The following IPO7 variants were observed in gnomAD, a reference collection of about 807,000 sequenced individuals.
IPO7 encodes the protein importin 7.
IPO7 carries 13 observed loss-of-function variants against 136.4 expected under a neutral mutation model. The ratio of observed to expected loss-of-function variants is 0.10; its 90% confidence interval spans 0.06 to 0.15. IPO7 has a LOEUF of 0.15. Ranked by LOEUF, IPO7 falls within the 10% of genes least tolerant of loss-of-function variation. IPO7 has a pLI of 1.00. For synonymous variants in IPO7, 403 were observed against 404.4 expected (o/e 1.00, Z 0.04); for missense variants, 857 against 1,240.6 (o/e 0.69, Z 4.65).
At chr11:9,407,294 G>A (rs547153914) in intron 2 of IPO7, among the ~76,000 whole-genome samples, 15 of 152,254 alleles carry the variant, frequency 9.9e-5, no homozygotes, top group African/African-American at 1.9e-4. Flanking sequence ...CTTGGCTCAC[G>A]CCTATAATCC....
rs1390345480 is a variant in IPO7 at position 9,400,660 on chromosome 11, G to GA, written c.85-2630_85-2629insA. On this transcript the variant is annotated intron_variant, in intron 1 of 24. Coordinates refer to ENST00000379719, the MANE Select transcript of IPO7 (RefSeq NM_006391.3). ...GATGGTCTCGATCTCCTGACCTCGT[G>GA]GTCCGCCCGCCTCGGCCTCCTAAAG... 2.6e-5 allele frequency among the ~76,000 whole-genome samples: 4 copies of GA among 151,702 alleles called. No homozygotes were observed. The East Asian group carries it at 5.9e-4, about 22-fold the overall frequency.
At chr11:9,408,301 T>G (rs931024450) in intron 2 of IPO7, among the ~76,000 whole-genome samples, 185 bp from the exon 3 acceptor site, 7 of 152,240 alleles carry the variant, frequency 4.6e-5, no homozygotes, top group African/African-American at 1.7e-4. Flanking sequence ...TTGTGCTTGA[T>G]TGCTGTAACA....
chr11:9,425,737 G>A (rs188444079), intron 12 of IPO7, among the ~76,000 whole-genome samples: 84 of 152,242 alleles, frequency 5.5e-4, no homozygotes, highest in African/African-American at 1.9e-3. Flanking sequence ...AAATTAGCCG[G>A]GCATGGTGGC....
chr11:9,439,989 T>G (rs1197582088), intron 22 of IPO7, among the ~76,000 whole-genome samples: 1 of 152,236 alleles, frequency 6.6e-6, no homozygotes, highest in Non-Finnish European at 1.5e-5. Flanking sequence ...TAAGCATACT[T>G]GCACTATAAC....
Position 9,406,716 on chromosome 11 carries a change from C to CA in IPO7, c.167-1763dup, listed in dbSNP as rs549848657. 7.9e-5 allele frequency among the ~76,000 whole-genome samples: 12 copies of CA among 151,888 alleles called. No homozygotes were observed. In the South Asian group the frequency reaches 2.1e-3, roughly 26 times the overall value. On this transcript the variant is annotated intron_variant, in intron 2 of 24. Coordinates refer to ENST00000379719, the MANE Select transcript of IPO7 (RefSeq NM_006391.3). The stretch of plus-strand genomic sequence containing the variant: ...TGAAACCCTGTCTCTACTAAAAATA[C>CA]AAAAAAATTAGCCGGGTGGTAGTGG...
chr11:9,390,955 A>G (rs1013214535), intron 1 of IPO7, among the ~76,000 whole-genome samples: 68 of 151,988 alleles, frequency 4.5e-4, no homozygotes, highest in African/African-American at 1.6e-3. Context: ...TTTTTGGTAG[A>G]GATGGGGTTT....
intron 24 of IPO7, among the ~76,000 whole-genome samples, chr11:9,444,691 C>T (rs933276340): frequency 1.3e-4 from 20 of 151,960 alleles, no homozygotes; most frequent in Admixed American, 5.2e-4. Flanking sequence ...AAAAATTACC[C>T]GGGCGTGGTG....
At chr11:9,395,795 C>T (rs1854699944) in intron 1 of IPO7, among the ~76,000 whole-genome samples, 1 of 152,116 alleles carries the variant, frequency 6.6e-6, no homozygotes, top group South Asian at 2.1e-4. Flanking sequence ...CGGCTCACTG[C>T]AACCTCTGCC....
Position 9,445,152 on chromosome 11 carries a change from A to T in IPO7, c.3075A>T (p.Pro1025=), listed in dbSNP as rs775595262. Residue 1025 remains proline, a synonymous_variant, in exon 25 of 25, where the codon CCA becomes CCT. Coordinates refer to ENST00000379719, the MANE Select transcript of IPO7 (RefSeq NM_006391.3). ...GGYKFSAPVV[P]SSFNFGGPAP... ...ACAAATTCAGTGCTCCAGTTGTGCCAAGTTCTTTCAATTTTGGAGGCCCAG... is the reference window on the plus strand; with the variant it reads ...ACAAATTCAGTGCTCCAGTTGTGCCTAGTTCTTTCAATTTTGGAGGCCCAG... 3.7e-6 allele frequency: 6 copies of T among 1,611,282 alleles called. No individual in the cohort carries two copies. In the Admixed American group the frequency reaches 1.0e-4, roughly 27 times the overall value.
At chr11:9,422,017 C>T (rs749352821) in intron 8 of IPO7, among the ~76,000 whole-genome samples, 3 of 152,098 alleles carry the variant, frequency 2.0e-5, no homozygotes, top group Non-Finnish European at 2.9e-5. Flanking sequence ...CGGTGGCTCA[C>T]GCCTATAATC....
intron 4 of IPO7, among the ~76,000 whole-genome samples, chr11:9,413,327 C>G (rs183357382): frequency 2.0e-5 from 3 of 152,020 alleles, no homozygotes; most frequent in African/African-American, 7.3e-5. Context: ...GAAGAACTTA[C>G]GGTTTATGAT....
intron 1 of IPO7, among the ~76,000 whole-genome samples, chr11:9,390,882 G>C (rs1056270194): frequency 2.6e-5 from 4 of 152,044 alleles, no homozygotes; most frequent in African/African-American, 9.7e-5. Flanking sequence ...CAATTCTCCT[G>C]CCTCAGCCTC....
chr11:9,418,577 A>G (rs1324177878), intron 6 of IPO7, among the ~76,000 whole-genome samples: 3 of 152,226 alleles, frequency 2.0e-5, no homozygotes, highest in Non-Finnish European at 4.4e-5. Flanking sequence ...ACAATGCAGA[A>G]GAAACAACAT....
At chr11:9,402,851 C>CA (rs570129815) in intron 1 of IPO7, 9,944 of 125,510 alleles carry the variant, frequency 0.079, 310 homozygotes, top group South Asian at 0.1. Context: ...AAGACTGTCT[C>CA]AAAAAAAAAA....
intron 1 of IPO7, among the ~76,000 whole-genome samples, chr11:9,396,278 C>A (rs957853281): frequency 1.3e-5 from 2 of 151,976 alleles, no homozygotes; most frequent in African/African-American, 4.8e-5. Flanking sequence ...CCCCTGTAAT[C>A]CCAACTACTC....
chr11:9,428,320 T>A (rs1369218635), intron 12 of IPO7, among the ~76,000 whole-genome samples: 1 of 152,202 alleles, frequency 6.6e-6, no homozygotes, highest in Non-Finnish European at 1.5e-5. Context: ...TTTGGCATAA[T>A]GGCTTTCTAA....
At position 9,415,779 on chromosome 11, in the gene IPO7, A is replaced by G. The variant is rs12276387; in HGVS notation, c.637-1280A>G. On this transcript the variant is annotated intron_variant, in intron 5 of 24. Transcript: ENST00000379719. ...TGTGAACCCAGGAGGCAGAGGTTGC[A>G]GTGAGCCGAGATCGCACCACTGCAC... is the stretch of plus-strand genomic sequence containing the variant. Among the ~76,000 whole-genome samples, 632 of 151,588 alleles carry G rather than the reference A, an allele frequency of 4.2e-3. 3 individuals are homozygous for G. Among genetic ancestry groups the G allele is most frequent in the Non-Finnish European group, 6.8e-3 (462 of 67,816 alleles).
Position 9,445,246 on chromosome 11 carries a change from C to T in IPO7, c.*52C>T. ...CTTGTAGTGAAGAGCTTGTGTTCCT[C>T]CTAGTAGTGGTTCCAGAACTGGTTC... On this transcript the variant is annotated 3_prime_UTR_variant, in exon 25 of 25. Coordinates refer to ENST00000379719, the MANE Select transcript of IPO7 (RefSeq NM_006391.3). The T allele has an allele frequency of 1.8e-6, 2 of 1,126,838 alleles. No homozygotes were observed. Among genetic ancestry groups the T allele is most frequent in the African/African-American group, 1.5e-5 (1 of 65,070 alleles). The allele number at this position is 1,126,838 out of a possible 1,614,324, so 69.8% of individuals were successfully genotyped here. A position where few individuals can be genotyped will look rare whatever the true frequency, so the allele number is the denominator to read the frequency against.
At chr11:9,418,398 T>A (rs1855073558) in intron 6 of IPO7, among the ~76,000 whole-genome samples, 1 of 152,138 alleles carries the variant, frequency 6.6e-6, no homozygotes, top group Non-Finnish European at 1.5e-5. Flanking sequence ...TGTACTGTTA[T>A]TAATATATAC....
Sources: gnomAD v4.1 joint callset for allele counts (sites outside exome capture counted in the v4.1 genomes callset) on GRCh38, gnomAD v4.1.1 for gene constraint, MANE v1.5 for transcripts, NCBI Gene and HGNC (gene_info 2026-07-23, HGNC 2026-07-21) for gene names.